The following CNTNAP2 variants were observed in gnomAD, a reference collection of about 807,000 sequenced individuals.
CNTNAP2 encodes contactin associated protein 2.
In CNTNAP2, 98 loss-of-function variants were observed where a neutral mutation model predicts 155.2. The observed-to-expected ratio is 0.63, with a 90% confidence interval of 0.54 to 0.75. The LOEUF (loss-of-function observed/expected upper bound fraction) is 0.75. Ranked by LOEUF, CNTNAP2 falls within the 30% of genes least tolerant of loss-of-function variation. The pLI, the probability that CNTNAP2 is intolerant of heterozygous loss-of-function variation, is 0.00. For missense variants in CNTNAP2, 1,727 were observed against 1,688.1 expected (o/e 1.02, Z -0.40); for synonymous variants, 651 against 631.2 (o/e 1.03, Z -0.47).
intron 1 of CNTNAP2, among the ~76,000 whole-genome samples, chr7:146,253,362 T>C (rs562393502): frequency 1.6e-4 from 24 of 152,370 alleles, no homozygotes; most frequent in Non-Finnish European, 1.9e-4. Context: ...TAGGAAGGTA[T>C]GCCATAGGTA....
chr7:147,739,118 G>GA (rs1796910722), intron 13 of CNTNAP2, among the ~76,000 whole-genome samples: 1 of 156 alleles, frequency 6.4e-3, no homozygotes, highest in Non-Finnish European at 0.012. Flanking sequence ...TTAATCTCCT[G>GA]CAAGTCATTT....
At chr7:146,322,143 T>C (rs1194511819) in intron 1 of CNTNAP2, among the ~76,000 whole-genome samples, 3 of 152,130 alleles carry the variant, frequency 2.0e-5, no homozygotes, top group Non-Finnish European at 4.4e-5. Flanking sequence ...TAGGTAACCT[T>C]CACTTTTTAT....
intron 1 of CNTNAP2, among the ~76,000 whole-genome samples, chr7:146,645,059 A>T (rs1014816458): frequency 7.2e-4 from 110 of 152,294 alleles, no homozygotes; most frequent in African/African-American, 2.3e-3. Flanking sequence ...AAATTTTTTT[A>T]AAAAGAAATT....
intron 1 of CNTNAP2, among the ~76,000 whole-genome samples, chr7:146,310,159 A>G (rs1368572451): frequency 6.6e-6 from 1 of 152,200 alleles, no homozygotes; most frequent in Non-Finnish European, 1.5e-5. Flanking sequence ...ATATCTTTGA[A>G]TGAAAATAAC....
intron 12 of CNTNAP2, among the ~76,000 whole-genome samples, chr7:147,601,805 C>A (rs1381111824): frequency 1.3e-5 from 2 of 151,738 alleles, no homozygotes; most frequent in Non-Finnish European, 2.9e-5. Context: ...TTGTAACCTA[C>A]AAACTGATTA....
chr7:146,176,040 G>T (rs1798465265), intron 1 of CNTNAP2, among the ~76,000 whole-genome samples: 1 of 152,038 alleles, frequency 6.6e-6, no homozygotes, highest in African/African-American at 2.4e-5. Context: ...TGCTACCCTT[G>T]GGGAAATTTA....
At chr7:146,229,441 CT>C (rs1172574892) in intron 1 of CNTNAP2, among the ~76,000 whole-genome samples, 1 of 152,204 alleles carries the variant, frequency 6.6e-6, no homozygotes, top group Non-Finnish European at 1.5e-5. Flanking sequence ...TGTAATCTCT[CT>C]GCTCCAGGTA....
At chr7:148,249,450 GTGA>G (rs1365263211) in intron 20 of CNTNAP2, among the ~76,000 whole-genome samples, 1 of 152,104 alleles carries the variant, frequency 6.6e-6, no homozygotes, top group Non-Finnish European at 1.5e-5. Flanking sequence ...ATTCACTCCT[GTGA>G]TGATCTCATC....
chr7:147,507,697 T>A (rs1014007710), intron 11 of CNTNAP2, among the ~76,000 whole-genome samples: 2 of 151,304 alleles, frequency 1.3e-5, no homozygotes, highest in South Asian at 4.2e-4. Context: ...GGACTACAGG[T>A]GTCTGCCACC....
chr7:148,138,348 C>T (rs1362225435), intron 16 of CNTNAP2, among the ~76,000 whole-genome samples: 3 of 152,104 alleles, frequency 2.0e-5, no homozygotes, highest in African/African-American at 7.2e-5. Context: ...TCAGCTTTTC[C>T]CCCAATTCAT....
chr7:146,236,281 A>T (rs1261260636), intron 1 of CNTNAP2, among the ~76,000 whole-genome samples: 2 of 152,194 alleles, frequency 1.3e-5, no homozygotes, highest in African/African-American at 2.4e-5. Context: ...CATATCAATT[A>T]TGAGTTGATG....
At chr7:147,340,627 G>A (rs1795745486) in intron 9 of CNTNAP2, among the ~76,000 whole-genome samples, 1 of 152,058 alleles carries the variant, frequency 6.6e-6, no homozygotes, top group East Asian at 1.9e-4. Flanking sequence ...GTCTTCTGAA[G>A]TTTATCTTAT....
intron 2 of CNTNAP2, among the ~76,000 whole-genome samples, chr7:146,788,134 G>C (rs960129012): frequency 1.3e-5 from 2 of 152,184 alleles, no homozygotes; most frequent in Non-Finnish European, 2.9e-5. Flanking sequence ...GAGGGAGCTT[G>C]TCCCCCAAAC....
chr7:147,550,574 T>A (rs1291323106), intron 11 of CNTNAP2, among the ~76,000 whole-genome samples: 2 of 152,116 alleles, frequency 1.3e-5, no homozygotes, highest in East Asian at 3.9e-4. Context: ...ATGGACTAAA[T>A]ACACTGAGCA....
intron 12 of CNTNAP2, among the ~76,000 whole-genome samples, chr7:147,571,467 G>T (rs959005017): frequency 2.6e-5 from 4 of 151,502 alleles, no homozygotes; most frequent in East Asian, 1.9e-4. Context: ...ATCCCTTAAG[G>T]TTTGAGCCCA....
At chr7:146,609,071 G>A (rs1203523882) in intron 1 of CNTNAP2, among the ~76,000 whole-genome samples, 2 of 152,006 alleles carry the variant, frequency 1.3e-5, no homozygotes, top group African/African-American at 4.8e-5. Context: ...TATGGCATTT[G>A]TCAGTCCATT....
At chr7:146,880,758 G>C (rs1478480286) in intron 3 of CNTNAP2, among the ~76,000 whole-genome samples, 1 of 152,084 alleles carries the variant, frequency 6.6e-6, no homozygotes, top group Non-Finnish European at 1.5e-5. Flanking sequence ...AAAACATTTT[G>C]TCATCTCTTT....
intron 17 of CNTNAP2, among the ~76,000 whole-genome samples, chr7:148,151,372 C>T (rs1297485995): frequency 6.6e-6 from 1 of 152,124 alleles, no homozygotes; most frequent in Non-Finnish European, 1.5e-5. Context: ...GTGGCGTGAT[C>T]TCAGCTCACT....
chr7:147,941,107 G>C (rs1165263757), intron 14 of CNTNAP2, among the ~76,000 whole-genome samples: 1 of 152,166 alleles, frequency 6.6e-6, no homozygotes, highest in Non-Finnish European at 1.5e-5. Flanking sequence ...GTCTGGCGCT[G>C]AGAGTAGCTC....
Sources: allele counts gnomAD v4.1 joint callset (sites outside exome capture counted in the v4.1 genomes callset), GRCh38; gene constraint gnomAD v4.1.1; transcripts MANE v1.5; gene names NCBI Gene and HGNC (gene_info 2026-07-23, HGNC 2026-07-21).